LMNB2: variants seen among roughly 807,000 people sequenced by gnomAD.
LMNB2 encodes the protein lamin B2, also known as lamin-B2.
Under a neutral mutation model 69.3 loss-of-function variants are expected in LMNB2, and 17 were observed. The observed-to-expected ratio is 0.25, with a 90% confidence interval of 0.17 to 0.37. The LOEUF (loss-of-function observed/expected upper bound fraction) is 0.37, where lower values mean the gene tolerates loss of function less well. LMNB2 is among the 10% of genes least tolerant of loss of function. The pLI is 1.00. For missense variants in LMNB2, 789 were observed against 883.6 expected (o/e 0.89, Z 1.36); for synonymous variants, 397 against 389.3 (o/e 1.02, Z -0.23).
At chr19:2,439,104 G>A (rs1054929287) in intron 2 of LMNB2, among the ~76,000 whole-genome samples, 4 of 123,294 alleles carry the variant, frequency 3.2e-5, no homozygotes, top group African/African-American at 1.2e-4. Flanking sequence ...GGCTGGTCTC[G>A]AACTCCTGGG....
Position 2,443,664 on chromosome 19 carries a change from C to T in LMNB2, c.401+740G>A, listed in dbSNP as rs903481899. ...GAGACCACGGAAGACAGTGTCCACA[C>T]GCAGGGCACCAGAGACCTCGCTCTA... is the stretch of plus-strand genomic sequence containing the variant. On this transcript the variant is annotated intron_variant, in intron 2 of 11. Transcript: ENST00000325327. The surrounding 1 kb of genome is among the most constrained non-coding windows in gnomAD (Gnocchi z 6.2). Among the ~76,000 whole-genome samples, 1 of 152,200 alleles carries T rather than the reference C, an allele frequency of 6.6e-6. No individual in the cohort carries two copies. The highest frequency in any genetic ancestry group is 2.4e-5 in the African/African-American group (1 of 41,442).
Position 2,434,919 on chromosome 19 carries a change from G to A in LMNB2, c.856-6C>T. ...CTCAGCTTGGCGCTGTCCAGCTGTG[G>A]GGAGACGGGCGGGTGAGTGCGGGCG... On this transcript the variant is annotated splice_region_variant and splice_polypyrimidine_tract_variant and intron_variant, in intron 5 of 11. Transcript: ENST00000325327. 3 of 1,601,474 alleles carry A rather than the reference G, an allele frequency of 1.9e-6. No individual in the cohort carries two copies. Among genetic ancestry groups the A allele is most frequent in the African/African-American group, 1.3e-5 (1 of 74,952 alleles).
chr19:2,432,576 C>A, intron 8 of LMNB2, 53 bp from the exon 9 acceptor site: 3 of 1,448,948 alleles, frequency 2.1e-6, no homozygotes, highest in South Asian at 1.1e-5. Context: ...GTGACACCGC[C>A]CCCATCGCCC....
Position 2,434,109 on chromosome 19 carries a change from T to G in LMNB2, c.1203-4A>C. On this transcript the variant is annotated splice_polypyrimidine_tract_variant and splice_region_variant and intron_variant, in intron 7 of 11. Transcript: ENST00000325327. ...TGGGCTGGGGGACAGCTTCAGCCTGTGGGGAAGGCAAGGAAGGTGGGACTG... is the reference window on the plus strand; with the variant it reads ...TGGGCTGGGGGACAGCTTCAGCCTGGGGGGAAGGCAAGGAAGGTGGGACTG... The G allele has an allele frequency of 6.3e-7, 1 of 1,581,834 alleles. No individual in the cohort carries two copies. The highest frequency in any genetic ancestry group is 8.6e-7 in the Non-Finnish European group (1 of 1,166,160).
intron 2 of LMNB2, among the ~76,000 whole-genome samples, chr19:2,441,976 C>T (rs1971904948): frequency 1.3e-5 from 2 of 152,230 alleles, no homozygotes; most frequent in South Asian, 2.1e-4. Context: ...CGCAGGACTG[C>T]AGGGCACACC....
At chr19:2,456,560 G>A (rs1438822267) in intron 1 of LMNB2, 110 bp downstream of exon 1, 13 of 1,153,702 alleles carry the variant, frequency 1.1e-5, no homozygotes, top group Non-Finnish European at 1.3e-5. Flanking sequence ...CCCGAAGCCG[G>A]GGCCCGTCCC....
Position 2,434,956 on chromosome 19 carries a change from G to A in LMNB2, c.856-43C>T, listed in dbSNP as rs767205589. The A allele has an allele frequency of 7.6e-6, 12 of 1,588,338 alleles. No homozygotes were observed. The South Asian group carries it at 8.9e-5, about 12-fold the overall frequency. ...GGTGAGTGCGGGCGCGGGGCGGGGCGGGGTTCCCACCGGCCGCCCCCGCCC... is the reference window on the plus strand; with the variant it reads ...GGTGAGTGCGGGCGCGGGGCGGGGCAGGGTTCCCACCGGCCGCCCCCGCCC... On this transcript the variant is annotated intron_variant, in intron 5 of 11. Transcript: ENST00000325327.
intron 11 of LMNB2, among the ~76,000 whole-genome samples, chr19:2,431,283 T>A (rs539956945): frequency 1.3e-5 from 2 of 152,310 alleles, no homozygotes; most frequent in South Asian, 4.1e-4. Flanking sequence ...TTTGGGGAGC[T>A]GTTCAACACC....
In LMNB2 at chr19:2,434,468, G is replaced by C; in HGVS notation, c.1029C>G (p.Ala343=). The C allele has an allele frequency of 1.2e-6, 2 of 1,613,268 alleles. No individual in the cohort carries two copies. The highest frequency in any genetic ancestry group is 1.7e-6 in the Non-Finnish European group (2 of 1,179,966). ...TCTTCCGGAACTTGTCCCGCTCCCC[G>C]GCCATGGCCTCCTCCAGCTCCCGAA... The part of the protein sequence containing the change: ...DRIRELEEAM[A]GERDKFRKML... Residue 343 remains alanine (A), a synonymous_variant, in exon 7 of 12, where the codon GCC becomes GCG. Coordinates refer to ENST00000325327, the MANE Select transcript of LMNB2 (RefSeq NM_032737.4).
At chr19:2,450,890 A>G (rs1972014376) in intron 1 of LMNB2, among the ~76,000 whole-genome samples, 1 of 148,666 alleles carries the variant, frequency 6.7e-6, no homozygotes, top group Non-Finnish European at 1.5e-5. Flanking sequence ...TCGGCCTCCC[A>G]AAGTGCTGGG....
intron 1 of LMNB2, among the ~76,000 whole-genome samples, chr19:2,448,143 G>A (rs1395397602): frequency 4.0e-5 from 6 of 151,568 alleles, no homozygotes; most frequent in African/African-American, 7.2e-5. Context: ...CATCTGGGCC[G>A]TGCCCTCCAC....
At chr19:2,442,548 G>A (rs1260807350) in intron 2 of LMNB2, among the ~76,000 whole-genome samples, 2 of 152,094 alleles carry the variant, frequency 1.3e-5, no homozygotes, top group Non-Finnish European at 2.9e-5. Flanking sequence ...CAGCCTGGGT[G>A]ACAGAGCAAG....
chr19:2,455,268 C>T (rs1275875165), intron 1 of LMNB2, among the ~76,000 whole-genome samples: 1 of 151,820 alleles, frequency 6.6e-6, no homozygotes, highest in Non-Finnish European at 1.5e-5. Flanking sequence ...TCCAGGGAGA[C>T]CCCCCACACA....
At position 2,431,921 on chromosome 19, in the gene LMNB2, T is replaced by C; in HGVS notation, c.1591-19A>G. ...CCCACACCTGAGGACCCAATAACAA[T>C]GGCCCCATCAGGGTCACCTCTGGTT... On this transcript the variant is annotated intron_variant, in intron 9 of 11. Coordinates refer to ENST00000325327, the MANE Select transcript of LMNB2 (RefSeq NM_032737.4). The C allele has an allele frequency of 6.2e-7, 1 of 1,605,436 alleles. No individual in the cohort carries two copies. Among genetic ancestry groups the C allele is most frequent in the South Asian group, 1.1e-5 (1 of 90,684 alleles).
Position 2,428,496 on chromosome 19 carries a change from G to A in LMNB2, c.*2415C>T, listed in dbSNP as rs1971691837. ...GCCGCTGGCATGAGGACAGGTGCAT[G>A]ATCGGATTCTGGGTCAGCCCGCAGG... On this transcript the variant is annotated 3_prime_UTR_variant, in exon 12 of 12. Coordinates refer to ENST00000325327, the MANE Select transcript of LMNB2 (RefSeq NM_032737.4). 6.6e-6 allele frequency: 1 copy of A among 152,308 alleles called. No individual in the cohort carries two copies. The highest frequency in any genetic ancestry group is 1.5e-5 in the Non-Finnish European group (1 of 68,098). The allele number at this position is 152,308 out of a possible 1,614,324, so 9.4% of individuals were successfully genotyped here.
rs1012229679 is a variant in LMNB2, at chr19:2,432,299, G to A, written c.1590+117C>T. The A allele has an allele frequency of 3.1e-5, 26 of 848,170 alleles. 1 individual carries two copies. The highest frequency in any genetic ancestry group is 1.7e-4 in the South Asian group (12 of 72,214). 52.5% of individuals were successfully genotyped at this position (848,170 alleles called of 1,614,324 possible). A position where few individuals can be genotyped will look rare whatever the true frequency, so the allele number is the denominator to read the frequency against. On this transcript the variant is annotated intron_variant, in intron 9 of 11. Transcript: ENST00000325327. ...ATGACTGCGGCAGCCGCTCTGAGACGGTGCCTGGTGCCACCATCATCCCCA... is the reference window on the plus strand; with the variant it reads ...ATGACTGCGGCAGCCGCTCTGAGACAGTGCCTGGTGCCACCATCATCCCCA...
intron 11 of LMNB2, among the ~76,000 whole-genome samples, chr19:2,431,337 A>G (rs1285475882): frequency 6.6e-6 from 1 of 152,140 alleles, no homozygotes; most frequent in Admixed American, 6.5e-5. Flanking sequence ...GAGGTCTGTG[A>G]TGTCGCAAAT....
rs76267863 is a variant in LMNB2 at position 2,447,922 on chromosome 19, G to C, written c.265-3382C>G. Among the ~76,000 whole-genome samples, 2,561 of 152,310 alleles carry C rather than the reference G, an allele frequency of 0.017. 71 individuals are homozygous for C. Among genetic ancestry groups the C allele is most frequent in the African/African-American group, 0.058 (2,389 of 41,544 alleles). ...TCCAAGTCCCGTCAGCCTACAGTGG[G>C]GCGGGATAAGGGTTCCCAACCTGAT... On this transcript the variant is annotated intron_variant, in intron 1 of 11. Transcript: ENST00000325327. The surrounding 1 kb of genome is among the most constrained non-coding windows in gnomAD (Gnocchi z 4.4).
In LMNB2 at chr19:2,434,908, G is replaced by A; in HGVS notation, c.861C>T (p.Asp287=). ...TCTGGTCAGAGCTCAGCTTGGCGCTGTCCAGCTGTGGGGAGACGGGCGGGT... is the reference window on the plus strand; with the variant it reads ...TCTGGTCAGAGCTCAGCTTGGCGCTATCCAGCTGTGGGGAGACGGGCGGGT... ...ELEQTYQAKL[D]SAKLSSDQND... Residue 287 remains aspartate (D), a synonymous_variant, in exon 6 of 12, where the codon GAC becomes GAT. Coordinates refer to ENST00000325327, the MANE Select transcript of LMNB2 (RefSeq NM_032737.4). 1.9e-6 allele frequency: 3 copies of A among 1,603,548 alleles called. No homozygotes were observed. The highest frequency in any genetic ancestry group is 1.3e-5 in the African/African-American group (1 of 75,004).
Sources: gnomAD v4.1 joint callset for allele counts (sites outside exome capture counted in the v4.1 genomes callset) on GRCh38, gnomAD v4.1.1 for gene constraint, Gnocchi (gnomAD v3.1) non-coding constraint, MANE v1.5 for transcripts, NCBI Gene and HGNC (gene_info 2026-07-23, HGNC 2026-07-21) for gene names.